Variants in TRPC7 observed in about 807,000 individuals in gnomAD.
TRPC7 encodes the protein transient receptor potential cation channel subfamily C member 7, also known as short transient receptor potential channel 7.
A neutral mutation model predicts 90.1 loss-of-function variants in TRPC7; 42 were observed. The ratio of observed to expected loss-of-function variants is 0.47; its 90% CI spans 0.36 to 0.60. The LOEUF is 0.60. TRPC7 is among the 20% of genes least tolerant of loss of function. The pLI, the probability that TRPC7 is intolerant of heterozygous loss-of-function variation, is 0.00. For synonymous variants in TRPC7, 451 were observed against 436.3 expected (o/e 1.03, Z -0.42); for missense variants, 955 against 1,112.3 (o/e 0.86, Z 2.01).
chr5:136,269,141 G>A (rs971121265), intron 4 of TRPC7, among the ~76,000 whole-genome samples: 1 of 152,186 alleles, frequency 6.6e-6, no homozygotes, highest in Non-Finnish European at 1.5e-5. Flanking sequence ...AGCCTGCTGT[G>A]CCTGGAGTGC....
At chr5:136,294,056 A>C (rs1483951116) in intron 3 of TRPC7, among the ~76,000 whole-genome samples, 1 of 152,224 alleles carries the variant, frequency 6.6e-6, no homozygotes, top group African/African-American at 2.4e-5. Flanking sequence ...TTCCCTATTT[A>C]ATAAATGGTG....
At chr5:136,219,506 C>T (rs1316630330) in intron 10 of TRPC7, among the ~76,000 whole-genome samples, 2 of 152,162 alleles carry the variant, frequency 1.3e-5, no homozygotes, top group Non-Finnish European at 2.9e-5. Context: ...TGGCTCATGC[C>T]TGTAATCCTA....
chr5:136,225,268 G>T lies in TRPC7; in HGVS notation c.2343+6C>A, dbSNP rs772117243. ...ATGCTTGGATGCTTGGGAAAGGGGT[G>T]GTTACCTGGTATCTGGTGGGCTTGC... On this transcript the variant is annotated splice_donor_region_variant and intron_variant, in intron 10 of 11. Coordinates refer to ENST00000513104, the MANE Select transcript of TRPC7 (RefSeq NM_020389.3). 1 of 1,612,046 alleles carries T rather than the reference G, an allele frequency of 6.2e-7. No individual in the cohort carries two copies. The highest frequency in any genetic ancestry group is 1.3e-5 in the African/African-American group (1 of 74,814).
intron 7 of TRPC7, among the ~76,000 whole-genome samples, chr5:136,244,407 C>T (rs1011715483): frequency 2.6e-5 from 4 of 152,112 alleles, no homozygotes; most frequent in East Asian, 1.9e-4. Context: ...ACAGGCTCTC[C>T]GTAGAGGAGG....
At chr5:136,355,198 A>G (rs1760324452) in intron 2 of TRPC7, among the ~76,000 whole-genome samples, 1 of 152,212 alleles carries the variant, frequency 6.6e-6, no homozygotes, top group Non-Finnish European at 1.5e-5. Flanking sequence ...TCTTCCAGCT[A>G]TACCTTCTGC....
chr5:136,258,526 T>C (rs1191977697), intron 5 of TRPC7, among the ~76,000 whole-genome samples: 1 of 152,126 alleles, frequency 6.6e-6, no homozygotes, highest in East Asian at 1.9e-4. Context: ...TTTCCCTCAC[T>C]CAGGGATGCC....
At chr5:136,216,599 G>A (rs1033866571) in intron 10 of TRPC7, among the ~76,000 whole-genome samples, 2 of 123,706 alleles carry the variant, frequency 1.6e-5, no homozygotes, top group African/African-American at 3.2e-5. Flanking sequence ...TGCTCCAGGG[G>A]CCTTGGCCTG....
chr5:136,349,564 G>A (rs1020837321), intron 2 of TRPC7, among the ~76,000 whole-genome samples: 1 of 151,888 alleles, frequency 6.6e-6, no homozygotes, highest in African/African-American at 2.4e-5. Context: ...CCAACACCCT[G>A]GGAGGTCGTT....
chr5:136,305,261 C>T (rs1758573546), intron 3 of TRPC7, among the ~76,000 whole-genome samples: 1 of 152,106 alleles, frequency 6.6e-6, no homozygotes, highest in Non-Finnish European at 1.5e-5. Flanking sequence ...TCCTTCTTTC[C>T]TGTTCCTCAC....
chr5:136,253,852 A>G (rs1186374591), intron 5 of TRPC7, among the ~76,000 whole-genome samples: 1 of 152,252 alleles, frequency 6.6e-6, no homozygotes, highest in Non-Finnish European at 1.5e-5. Context: ...AGGAATGTGT[A>G]TCAAAAGCTG....
intron 2 of TRPC7, among the ~76,000 whole-genome samples, chr5:136,320,716 C>T (rs549070437): frequency 1.3e-5 from 2 of 152,306 alleles, no homozygotes; most frequent in South Asian, 4.1e-4. Flanking sequence ...GGTGCCCCTG[C>T]TATTCTTCAA....
chr5:136,301,392 A>G (rs1480896224), intron 3 of TRPC7, among the ~76,000 whole-genome samples: 3 of 134,924 alleles, frequency 2.2e-5, no homozygotes, highest in Non-Finnish European at 4.6e-5. Flanking sequence ...CTCTGAACCC[A>G]AGCCAAGCCA....
chr5:136,243,483 A>G (rs943417756), intron 7 of TRPC7, among the ~76,000 whole-genome samples: 2 of 152,096 alleles, frequency 1.3e-5, no homozygotes, highest in African/African-American at 4.8e-5. Context: ...TTCCACAGAG[A>G]ACAGGCCACT....
chr5:136,289,622 G>C (rs1035192615), intron 3 of TRPC7, among the ~76,000 whole-genome samples: 1 of 152,250 alleles, frequency 6.6e-6, no homozygotes, highest in African/African-American at 2.4e-5. Context: ...GCCCAGGCTT[G>C]AGCAGGTAAA....
chr5:136,344,213 C>G (rs969014009), intron 2 of TRPC7, among the ~76,000 whole-genome samples: 2 of 152,070 alleles, frequency 1.3e-5, no homozygotes, highest in Non-Finnish European at 2.9e-5. Context: ...CAAGTGGGAA[C>G]TAAACACTGA....
chr5:136,257,170 A>T (rs114386463), intron 5 of TRPC7, among the ~76,000 whole-genome samples: 2,950 of 152,070 alleles, frequency 0.019, 82 homozygotes, highest in African/African-American at 0.068. Context: ...AAAAGGATTT[A>T]AAATGTTTTT....
chr5:136,269,699 A>T (rs1335538070), intron 4 of TRPC7, among the ~76,000 whole-genome samples: 1 of 152,236 alleles, frequency 6.6e-6, no homozygotes, highest in African/African-American at 2.4e-5. Context: ...AATCATGCAC[A>T]GCTTCGGGGT....
At chr5:136,242,380 C>G (rs999373061) in intron 7 of TRPC7, among the ~76,000 whole-genome samples, 1 of 152,174 alleles carries the variant, frequency 6.6e-6, no homozygotes, top group African/African-American at 2.4e-5. Flanking sequence ...GTGACCCATG[C>G]TCCTCCCCTT....
At chr5:136,355,248 A>T (rs113189239) in intron 2 of TRPC7, among the ~76,000 whole-genome samples, 1 of 152,030 alleles carries the variant, frequency 6.6e-6, no homozygotes, top group Admixed American at 6.6e-5. Context: ...AACAAGTGAA[A>T]CCTCACAAGC....
Sources: allele counts gnomAD v4.1 joint callset (sites outside exome capture counted in the v4.1 genomes callset), GRCh38; gene constraint gnomAD v4.1.1; transcripts MANE v1.5; gene names NCBI Gene and HGNC (gene_info 2026-07-23, HGNC 2026-07-21).